Variants in FAM20A observed in about 807,000 individuals in gnomAD.
FAM20A encodes the protein FAM20A golgi associated secretory pathway pseudokinase, also known as pseudokinase FAM20A.
A neutral mutation model predicts 52.0 loss-of-function variants in FAM20A; 42 were observed. The ratio of observed to expected loss-of-function variants is 0.81; its 90% CI spans 0.63 to 1.04. The LOEUF (loss-of-function observed/expected upper bound fraction) is 1.04, where lower values mean the gene tolerates loss of function less well. FAM20A is among the 50% of genes least tolerant of loss of function. The probability of loss-of-function intolerance (pLI) is 0.00; values close to 1 mark genes in which losing one functional copy is unlikely to be tolerated. For missense variants in FAM20A, 742 were observed against 712.7 expected (o/e 1.04, Z -0.47); for synonymous variants, 304 against 298.9 (o/e 1.02, Z -0.18).
At chr17:68,543,465 C>T (rs1360416113) in intron 5 of FAM20A, among the ~76,000 whole-genome samples, 164 bp downstream of exon 5, 1 of 152,112 alleles carries the variant, frequency 6.6e-6, no homozygotes, top group African/African-American at 2.4e-5. Flanking sequence ...TGGGGGGTTG[C>T]ATGGGACATT....
chr17:68,578,336 A>G (rs892540048), intron 1 of FAM20A, among the ~76,000 whole-genome samples: 1 of 152,224 alleles, frequency 6.6e-6, no homozygotes, highest in African/African-American at 2.4e-5. Context: ...GCTGGGGCAC[A>G]TATTTTCATG....
In FAM20A at chr17:68,600,668, G is replaced by A. The variant is rs1250259060; in HGVS notation, c.-2C>T. 3 of 1,541,910 alleles carry A rather than the reference G, an allele frequency of 1.9e-6. No homozygotes were observed. The East Asian group carries it at 7.2e-5, about 37-fold the overall frequency. ...GCGGTCCCGGCGCAGCCCCGGCATG[G>A]CGTGCTGGCCAAGGGGGACGCCGGG... On this transcript the variant is annotated 5_prime_UTR_variant, in exon 1 of 11. Coordinates refer to ENST00000592554, the MANE Select transcript of FAM20A (RefSeq NM_017565.4). The surrounding 1 kb of genome is among the most constrained non-coding windows in gnomAD (Gnocchi z 6.2).
intron 10 of FAM20A, among the ~76,000 whole-genome samples, chr17:68,538,124 CT>C (rs767275182): frequency 6.6e-5 from 10 of 152,208 alleles, no homozygotes; most frequent in Non-Finnish European, 1.5e-5. Flanking sequence ...TATTTGCTGT[CT>C]CAAAATCCCC....
intron 4 of FAM20A, among the ~76,000 whole-genome samples, chr17:68,550,501 C>T (rs951567890): frequency 6.6e-6 from 1 of 151,058 alleles, no homozygotes; most frequent in African/African-American, 2.4e-5. Flanking sequence ...CTGCCTCAGC[C>T]TCTCGAGTAG....
chr17:68,581,406 C>CT (rs1301751892), intron 1 of FAM20A, among the ~76,000 whole-genome samples: 2 of 141,764 alleles, frequency 1.4e-5, no homozygotes, highest in Non-Finnish European at 3.1e-5. Flanking sequence ...TTCTTTCTTT[C>CT]TTTCTTTCTT....
intron 8 of FAM20A, chr17:68,540,534 C>G (rs1301341085): frequency 4.0e-6 from 2 of 497,586 alleles, no homozygotes; most frequent in South Asian, 3.1e-5. Flanking sequence ...TGTGTACTTT[C>G]TTCCCTTCCT....
rs2302234 is a variant in FAM20A, at chr17:68,542,098, G to C, written c.996C>G (p.Asn332Lys). ...AGAGGGAACCCTCCAGCAGGTGTGG[G>C]TTGCCACAGACAGCATACTCCGTCT... ...MCKTEYAVCGNPHLLEGSLSA... is the reference protein window; with the variant it reads ...MCKTEYAVCGKPHLLEGSLSA... The change falls in exon 7 of 11, where the codon AAC becomes AAG. Residue 332 changes from asparagine to lysine, a missense_variant. Asn to Lys is a moderately conservative substitution (Grantham distance 94, BLOSUM62 0). Transcript: ENST00000592554. The C allele has an allele frequency of 1.2e-6, 2 of 1,613,750 alleles. No homozygotes were observed. Among genetic ancestry groups the C allele is most frequent in the African/African-American group, 2.7e-5 (2 of 74,834 alleles).
At chr17:68,541,079 C>T (rs1329965439) in intron 7 of FAM20A, 121 bp from the exon 8 acceptor site, 1 of 1,469,158 alleles carries the variant, frequency 6.8e-7, no homozygotes, top group African/African-American at 1.4e-5. Context: ...GGGCTGGTGG[C>T]AGCTTCTAAA....
At chr17:68,551,477 A>G (rs1249070413) in intron 4 of FAM20A, among the ~76,000 whole-genome samples, 1 of 152,118 alleles carries the variant, frequency 6.6e-6, no homozygotes, top group Non-Finnish European at 1.5e-5. Context: ...TTAGCAACCC[A>G]GATGCCTGGG....
intron 1 of FAM20A, among the ~76,000 whole-genome samples, chr17:68,581,392 T>TTCTTTCTTTCTTTC (rs2087963963): frequency 6.8e-6 from 1 of 147,448 alleles, no homozygotes; most frequent in African/African-American, 2.5e-5. Flanking sequence ...CTTTCTTTCT[T>TTCTTTCTTTCTTTC]TCTTTCTTTC....
intron 1 of FAM20A, among the ~76,000 whole-genome samples, chr17:68,559,546 G>A (rs961263059): frequency 5.9e-5 from 9 of 152,150 alleles, no homozygotes; most frequent in African/African-American, 2.2e-4. Context: ...CTTTGCTCCT[G>A]ACTCTGCAAT....
chr17:68,541,856 A>C, intron 7 of FAM20A, 129 bp downstream of exon 7: 1 of 1,130,996 alleles, frequency 8.8e-7, no homozygotes, highest in Admixed American at 2.2e-5. Context: ...CCCAGGATCA[A>C]TATGAAATGG....
intron 1 of FAM20A, among the ~76,000 whole-genome samples, chr17:68,558,980 A>C (rs1299583683): frequency 6.6e-6 from 1 of 151,974 alleles, no homozygotes; most frequent in Non-Finnish European, 1.5e-5. Flanking sequence ...GTGGTCTTGA[A>C]CTCCTGACCT....
Position 68,551,865 on chromosome 17 carries a change from TCA to T in FAM20A, c.719+6_719+7del. 6.4e-7 allele frequency: 1 copy of T among 1,569,700 alleles called. No homozygotes were observed. The highest frequency in any genetic ancestry group is 8.7e-7 in the Non-Finnish European group (1 of 1,154,750). ...CTGGGTGTGGAAAGGAGGAAGGCAG[TCA>T]CTTACCTCATGGGTTTGAACATGGC... is the stretch of plus-strand genomic sequence containing the variant. On this transcript the variant is annotated splice_donor_region_variant and intron_variant, in intron 4 of 10. Transcript: ENST00000592554.
At chr17:68,545,060 A>T (rs2086485623) in intron 4 of FAM20A, among the ~76,000 whole-genome samples, 1 of 152,230 alleles carries the variant, frequency 6.6e-6, no homozygotes, top group South Asian at 2.1e-4. Context: ...AAAGTTCTAC[A>T]TTCTCTCTTT....
At chr17:68,549,692 T>C (rs1361933833) in intron 4 of FAM20A, among the ~76,000 whole-genome samples, 1 of 152,184 alleles carries the variant, frequency 6.6e-6, no homozygotes, top group Non-Finnish European at 1.5e-5. Context: ...TTTGAGTATA[T>C]ATTATATGTG....
chr17:68,536,109 T>A lies in FAM20A; in HGVS notation c.*1368A>T, dbSNP rs2086089939. 1 of 454,116 alleles carries A rather than the reference T, an allele frequency of 2.2e-6. No individual in the cohort carries two copies. The allele number at this position is 454,116 out of a possible 1,614,324, so 28.1% of individuals were successfully genotyped here. A position where few individuals can be genotyped will look rare whatever the true frequency, so the allele number is the denominator to read the frequency against. On this transcript the variant is annotated 3_prime_UTR_variant, in exon 11 of 11. Coordinates refer to ENST00000592554, the MANE Select transcript of FAM20A (RefSeq NM_017565.4). The stretch of plus-strand genomic sequence containing the variant: ...ACAAAGTCCAGGGGCAGCATACCAG[T>A]CATGTGGGGGTACCACGGGGTCAGA...
chr17:68,587,370 C>T (rs1394786051), intron 1 of FAM20A, among the ~76,000 whole-genome samples: 1 of 152,200 alleles, frequency 6.6e-6, no homozygotes, highest in Non-Finnish European at 1.5e-5. Context: ...AAGATCCAGT[C>T]TCAGTTTCTC....
Position 68,537,335 on chromosome 17 carries a change from T to C in FAM20A, c.*142A>G. 1 of 1,042,972 alleles carries C rather than the reference T, an allele frequency of 9.6e-7. No individual in the cohort carries two copies. The highest frequency in any genetic ancestry group is 1.6e-5 in the African/African-American group (1 of 63,832). The allele number at this position is 1,042,972 out of a possible 1,614,324, so 64.6% of individuals were successfully genotyped here. On this transcript the variant is annotated 3_prime_UTR_variant, in exon 11 of 11. Coordinates refer to ENST00000592554, the MANE Select transcript of FAM20A (RefSeq NM_017565.4). This position sits in a 1 kb window ranked among gnomAD's most constrained non-coding sequence, Gnocchi z 4.2. ...AAGATTCAGTTCCATGGGCCCCACT[T>C]GCTGTTTGAGAAAATGTCCTGCTTC... is the stretch of plus-strand genomic sequence containing the variant.
Sources: gnomAD v4.1 joint callset for allele counts (sites outside exome capture counted in the v4.1 genomes callset) on GRCh38, gnomAD v4.1.1 for gene constraint, Gnocchi (gnomAD v3.1) non-coding constraint, MANE v1.5 for transcripts, NCBI Gene and HGNC (gene_info 2026-07-23, HGNC 2026-07-21) for gene names.